The following UFM1 variants were observed in gnomAD, a reference collection of about 807,000 sequenced individuals.
UFM1 encodes ubiquitin fold modifier 1.
UFM1 carries 9 observed loss-of-function variants against 15.4 expected under a neutral mutation model. The observed-to-expected ratio is 0.59, with a 90% CI of 0.35 to 1.02. The LOEUF (loss-of-function observed/expected upper bound fraction) is 1.02, where lower values mean the gene tolerates loss of function less well. Among genes scored for constraint, UFM1 ranks in the 50% least tolerant of loss-of-function variants. UFM1 has a pLI of 0.02. For missense variants in UFM1, 98 were observed against 104.7 expected (o/e 0.94, Z 0.28); for synonymous variants, 27 against 36.3 (o/e 0.74, Z 0.92).
At position 38,349,933 on chromosome 13, in the gene UFM1, C is replaced by T; in HGVS notation, c.2+12C>T. 6.2e-7 allele frequency: 1 copy of T among 1,614,014 alleles called. No homozygotes were observed. Among genetic ancestry groups the T allele is most frequent in the Non-Finnish European group, 8.5e-7 (1 of 1,179,890 alleles). ...TCCGGCACCACCATGTAAGTGTTTG[C>T]TTACCGACTGCCATAATTCCTGGTC... On this transcript the variant is annotated intron_variant, in intron 1 of 5. Coordinates refer to ENST00000239878, the MANE Select transcript of UFM1 (RefSeq NM_016617.4).
intron 3 of UFM1, 126 bp from the exon 4 acceptor site, chr13:38,357,967 A>T (rs1022027164): frequency 9.3e-6 from 4 of 429,120 alleles, no homozygotes; most frequent in Non-Finnish European, 1.6e-5. Context: ...ACTTATTCTA[A>T]AAGATTAATC....
At chr13:38,358,067 A>G (rs1566033255) in intron 3 of UFM1, 26 bp from the exon 4 acceptor site, 3 of 1,032,562 alleles carry the variant, frequency 2.9e-6, no homozygotes, top group Non-Finnish European at 2.7e-6. Context: ...GTATATATAT[A>G]TATATTTTTT....
intron 3 of UFM1, among the ~76,000 whole-genome samples, chr13:38,356,964 G>A (rs971334580): frequency 6.6e-6 from 1 of 151,844 alleles, no homozygotes; most frequent in Non-Finnish European, 1.5e-5. Context: ...TTAAGAGATG[G>A]AATCTACCTT....
chr13:38,362,044 GTATC>G lies in UFM1; in HGVS notation c.*1270_*1273del, dbSNP rs935203780. On this transcript the variant is annotated 3_prime_UTR_variant, in exon 6 of 6. Transcript: ENST00000239878. ...TTATTTGCCCTTCCGGAAGAAATCA[GTATC>G]TATGCAAATCTTGAAAGACGAAATC... 10 of 152,274 alleles carry G rather than the reference GTATC, an allele frequency of 6.6e-5. No individual in the cohort carries two copies. Among genetic ancestry groups the G allele is most frequent in the African/African-American group, 2.2e-4 (9 of 41,534 alleles). 9.4% of individuals were successfully genotyped at this position (152,274 alleles called of 1,614,324 possible). A position where few individuals can be genotyped will look rare whatever the true frequency, so the allele number is the denominator to read the frequency against.
At chr13:38,357,383 C>T (rs199983421) in intron 3 of UFM1, among the ~76,000 whole-genome samples, 42 of 151,860 alleles carry the variant, frequency 2.8e-4, no homozygotes, top group Non-Finnish European at 4.9e-4. Flanking sequence ...ATGGATAAGT[C>T]CTAAAGAGTA....
Position 38,360,729 on chromosome 13 carries a change from A to G in UFM1, c.209A>G (p.His70Arg), listed in dbSNP as rs757731599. 3 of 1,605,044 alleles carry G rather than the reference A, an allele frequency of 1.9e-6. No homozygotes were observed. In the African/African-American group the frequency reaches 4.0e-5, roughly 21 times the overall value. ...TGTATAGGAAATGTTTTTCTAAAAC[A>G]TGGTTCAGAACTGCGGATTATTCCT... Reference protein sequence around the residue: ...AQTAGNVFLKHGSELRIIPRD... With the variant: ...AQTAGNVFLKRGSELRIIPRD... Residue 70 changes from histidine to arginine, a missense_variant, in exon 6 of 6, where the codon CAT becomes CGT. His to Arg is a conservative substitution (Grantham distance 29, BLOSUM62 0). Transcript: ENST00000239878.
chr13:38,356,701 C>CAA (rs35105286), intron 3 of UFM1, among the ~76,000 whole-genome samples: 1,120 of 107,602 alleles, frequency 0.01, 21 homozygotes, highest in African/African-American at 0.023. Context: ...TTAGTACCAC[C>CAA]AAAAAAAAAA....
intron 3 of UFM1, among the ~76,000 whole-genome samples, chr13:38,356,832 T>G (rs548178200): frequency 4.6e-4 from 70 of 151,966 alleles, no homozygotes; most frequent in African/African-American, 1.6e-3. Flanking sequence ...TTTTCCAAAC[T>G]TGATCACAAA....
At chr13:38,355,341 G>A (rs574762355) in intron 3 of UFM1, among the ~76,000 whole-genome samples, 31 of 152,038 alleles carry the variant, frequency 2.0e-4, no homozygotes, top group Middle Eastern at 3.4e-3. Context: ...TCTTCATGCA[G>A]AAAGAATAAG....
At chr13:38,350,165 T>C (rs1464698931) in intron 2 of UFM1, 110 bp downstream of exon 2, 1 of 1,613,970 alleles carries the variant, frequency 6.2e-7, no homozygotes, top group Admixed American at 1.7e-5. Flanking sequence ...ATCTCTTCAC[T>C]TCATCTACTT....
In UFM1 at chr13:38,363,110, AAGTC is replaced by A. The variant is rs1184202862; in HGVS notation, c.*2335_*2338del. On this transcript the variant is annotated 3_prime_UTR_variant, in exon 6 of 6. Transcript: ENST00000239878. ...AAGGGCAAAGATGATTAATGACCAT[AAGTC>A]AGAGAAATTAGTTTATAGTCATCTG... is the stretch of plus-strand genomic sequence containing the variant. The A allele has an allele frequency of 6.6e-6, 1 of 152,228 alleles. No individual in the cohort carries two copies. The highest frequency in any genetic ancestry group is 1.9e-4 in the East Asian group (1 of 5,200). The allele number at this position is 152,228 out of a possible 1,614,324, so 9.4% of individuals were successfully genotyped here.
chr13:38,351,038 C>T lies in UFM1; in HGVS notation c.59+983C>T, dbSNP rs1270520676. Among the ~76,000 whole-genome samples, 4 of 152,330 alleles carry T rather than the reference C, an allele frequency of 2.6e-5. No homozygotes were observed. The South Asian group carries it at 8.3e-4, about 32-fold the overall frequency. ...TCCTACATGATTTACTATAATTTCT[C>T]ATCTACAACGTTTCATTTAATCCAT... On this transcript the variant is annotated intron_variant, in intron 2 of 5. Transcript: ENST00000239878.
intron 5 of UFM1, 163 bp downstream of exon 5, chr13:38,359,496 G>A: frequency 1.6e-6 from 1 of 623,662 alleles, no homozygotes; most frequent in South Asian, 2.5e-5. Context: ...GTAATAAGTT[G>A]TTTCATTGTG....
intron 3 of UFM1, among the ~76,000 whole-genome samples, chr13:38,357,454 T>C (rs1879154803): frequency 6.6e-6 from 1 of 151,734 alleles, no homozygotes; most frequent in Admixed American, 6.6e-5. Flanking sequence ...TAATATAAGG[T>C]ACACTTTTAT....
At chr13:38,358,821 T>A (rs1879243893) in intron 4 of UFM1, among the ~76,000 whole-genome samples, 1 of 151,994 alleles carries the variant, frequency 6.6e-6, no homozygotes, top group Non-Finnish European at 1.5e-5. Context: ...CATTGAAGTG[T>A]TTCTCTGTTG....
At chr13:38,358,268 C>G (rs1879212878) in intron 4 of UFM1, 136 bp downstream of exon 4, 1 of 440,806 alleles carries the variant, frequency 2.3e-6, no homozygotes, top group South Asian at 5.7e-5. Flanking sequence ...TACTGGTAAA[C>G]ACTAAGTCAG....
In UFM1 at chr13:38,361,857, G is replaced by GT. The variant is rs1211225924; in HGVS notation, c.*1080dup. On this transcript the variant is annotated 3_prime_UTR_variant, in exon 6 of 6. Transcript: ENST00000239878. ...GACTGGATAGACAAAACTGCAGAAG[G>GT]TGTATGTTGGGGAGAACTGAAAGGG... is the stretch of plus-strand genomic sequence containing the variant. The GT allele has an allele frequency of 6.6e-6, 1 of 152,282 alleles. No individual in the cohort carries two copies. The highest frequency in any genetic ancestry group is 1.5e-5 in the Non-Finnish European group (1 of 68,098). The allele number at this position is 152,282 out of a possible 1,614,324, so 9.4% of individuals were successfully genotyped here.
intron 3 of UFM1, 26 bp from the exon 4 acceptor site, chr13:38,358,066 TA>T (rs746395452): frequency 1.7e-4 from 171 of 1,023,912 alleles, no homozygotes; most frequent in African/African-American, 6.9e-4. Context: ...TGTATATATA[TA>T]TATATTTTTT....
At position 38,349,916 on chromosome 13, in the gene UFM1, C is replaced by T. The variant is rs568069435; in HGVS notation, c.-4C>T. The T allele has an allele frequency of 1.2e-6, 2 of 1,614,136 alleles. No individual in the cohort carries two copies. Among genetic ancestry groups the T allele is most frequent in the Admixed American group, 1.7e-5 (1 of 60,016 alleles). On this transcript the variant is annotated 5_prime_UTR_variant, in exon 1 of 6. Transcript: ENST00000239878. ...GTGTGTTCTGGATTCATTCCGGCAC[C>T]ACCATGTAAGTGTTTGCTTACCGAC...
Sources: allele counts gnomAD v4.1 joint callset (sites outside exome capture counted in the v4.1 genomes callset), GRCh38; gene constraint gnomAD v4.1.1; transcripts MANE v1.5; gene names NCBI Gene and HGNC (gene_info 2026-07-23, HGNC 2026-07-21).